CAV1: variants seen among roughly 807,000 people sequenced by gnomAD.
CAV1 encodes caveolin 1.
CAV1 carries 10 observed loss-of-function variants against 16.5 expected under a neutral mutation model. That is an observed-to-expected ratio of 0.61 (90% confidence interval 0.37 to 1.03). The LOEUF (loss-of-function observed/expected upper bound fraction) is 1.03. Ranked by LOEUF, CAV1 falls within the 50% of genes least tolerant of loss-of-function variation. The pLI is 0.01. For synonymous variants in CAV1, 76 were observed against 85.1 expected (o/e 0.89, Z 0.59); for missense variants, 212 against 232.8 (o/e 0.91, Z 0.58).
intron 2 of CAV1, among the ~76,000 whole-genome samples, chr7:116,539,088 G>A (rs183008184): frequency 4.6e-5 from 7 of 152,230 alleles, no homozygotes; most frequent in East Asian, 3.9e-4. Context: ...CACCAGGCAC[G>A]GAGCACGTCA....
At chr7:116,540,911 C>A (rs1396931920) in intron 2 of CAV1, among the ~76,000 whole-genome samples, 1 of 151,988 alleles carries the variant, frequency 6.6e-6, no homozygotes, top group Non-Finnish European at 1.5e-5. Context: ...ATATGGAAAC[C>A]CCCCTTGTAA....
chr7:116,555,622 GGAGGGAGGGAGGGAGAGGAGAGAAAGAAA>G (rs1794278996), intron 2 of CAV1, among the ~76,000 whole-genome samples: 2 of 134,834 alleles, frequency 1.5e-5, no homozygotes, highest in Non-Finnish European at 3.3e-5. Context: ...AAGAAAGAAG[GGAGGGAGGGAGGGAGAGGAGAGAAAGAAA>G]AAGGAAGGAA....
chr7:116,534,214 T>A (rs1793746349), intron 2 of CAV1, among the ~76,000 whole-genome samples: 1 of 150,496 alleles, frequency 6.6e-6, no homozygotes, highest in Non-Finnish European at 1.5e-5. Context: ...TGAGACTCCA[T>A]CACAAAAAAA....
chr7:116,539,881 G>A (rs976633238), intron 2 of CAV1, among the ~76,000 whole-genome samples: 3 of 152,134 alleles, frequency 2.0e-5, no homozygotes, highest in Admixed American at 2.0e-4. Flanking sequence ...GGCTGGGGGT[G>A]GGTCTCTGGC....
chr7:116,527,385 T>A (rs991983415), intron 2 of CAV1, among the ~76,000 whole-genome samples: 1 of 152,216 alleles, frequency 6.6e-6, no homozygotes, highest in Admixed American at 6.5e-5. Flanking sequence ...GAAAGCTGCT[T>A]CTTTAGTAGC....
At chr7:116,549,061 G>A (rs184720246) in intron 2 of CAV1, among the ~76,000 whole-genome samples, 1 of 152,254 alleles carries the variant, frequency 6.6e-6, no homozygotes, top group East Asian at 1.9e-4. Context: ...GAGTATGCCT[G>A]CCTCTTTTCC....
chr7:116,555,104 G>A (rs1794232306), intron 2 of CAV1, among the ~76,000 whole-genome samples: 1 of 152,020 alleles, frequency 6.6e-6, no homozygotes, highest in Non-Finnish European at 1.5e-5. Context: ...CAGCCCTTAT[G>A]TGCTTTGCAG....
chr7:116,525,862 G>C, intron 1 of CAV1: 1 of 988,588 alleles, frequency 1.0e-6, no homozygotes. Flanking sequence ...GCCAAAAATG[G>C]GGACTTTCGG....
Position 116,555,518 on chromosome 7 carries a change from A to AAGAAAGAAAGAAAGAAAGAAAG in CAV1, c.196-3425_196-3424insAAGAAAGAAAGAAAGAAAGAGA, listed in dbSNP as rs1554357869. Reference sequence around the variant, plus strand: ...AAAGAAAGAAAGAAAGAAAGAAAGAAAGAGAGAGAGAGAGAGAGAGAGAGA... The same window carrying AAGAAAGAAAGAAAGAAAGAAAG: ...AAAGAAAGAAAGAAAGAAAGAAAGAAAGAAAGAAAGAAAGAAAGAAAGAGAGAGAGAGAGAGAGAGAGAGAGA... On this transcript the variant is annotated intron_variant, in intron 2 of 2. Coordinates refer to ENST00000341049, the MANE Select transcript of CAV1 (RefSeq NM_001753.5). Among the ~76,000 whole-genome samples the AAGAAAGAAAGAAAGAAAGAAAG allele has an allele frequency of 1.4e-4, 2 of 14,054 alleles. 1 individual carries two copies. Among genetic ancestry groups the AAGAAAGAAAGAAAGAAAGAAAG allele is most frequent in the Non-Finnish European group, 2.8e-4 (2 of 7,200 alleles). The allele number at this position is 14,054 out of a possible 152,430, so 9.2% of individuals were successfully genotyped here.
chr7:116,559,689 A>G lies in CAV1; in HGVS notation c.*402A>G, dbSNP rs1794366974. Reference sequence around the variant, plus strand: ...ATGTTGGTCATTTTATGTTAAGGGAAGAATTCCAGGGTATGGCCATGGAGT... The same window carrying G: ...ATGTTGGTCATTTTATGTTAAGGGAGGAATTCCAGGGTATGGCCATGGAGT... On this transcript the variant is annotated 3_prime_UTR_variant, in exon 3 of 3. Transcript: ENST00000341049. The G allele has an allele frequency of 1.1e-5, 6 of 527,486 alleles. No individual in the cohort carries two copies. In the South Asian group the frequency reaches 2.0e-4, roughly 17 times the overall value. The allele number at this position is 527,486 out of a possible 1,614,324, so 32.7% of individuals were successfully genotyped here. A position where few individuals can be genotyped will look rare whatever the true frequency, so the allele number is the denominator to read the frequency against.
intron 2 of CAV1, among the ~76,000 whole-genome samples, chr7:116,548,453 G>A (rs563185451): frequency 6.6e-6 from 1 of 152,298 alleles, no homozygotes; most frequent in East Asian, 1.9e-4. Flanking sequence ...GAGAGCAGAA[G>A]GAAGCCAGCC....
chr7:116,534,365 AT>A (rs1793750823), intron 2 of CAV1, among the ~76,000 whole-genome samples: 1 of 13,218 alleles, frequency 7.6e-5, no homozygotes, highest in Non-Finnish European at 2.0e-4. Flanking sequence ...CACCTCAGAT[AT>A]ATATATATAT....
intron 2 of CAV1, among the ~76,000 whole-genome samples, chr7:116,544,435 A>G (rs1794000804): frequency 6.6e-6 from 1 of 152,144 alleles, no homozygotes; most frequent in African/African-American, 2.4e-5. Flanking sequence ...CTTAGAGTCT[A>G]GTATCAGAAA....
In CAV1 at chr7:116,534,396, T is replaced by TATATG. The variant is rs1491486855; in HGVS notation, c.195+7707_195+7708insATATG. Among the ~76,000 whole-genome samples, 3 of 7,278 alleles carry TATATG rather than the reference T, an allele frequency of 4.1e-4. 1 individual carries two copies. The highest frequency in any genetic ancestry group is 7.5e-4 in the Non-Finnish European group (3 of 4,010). 4.8% of individuals were successfully genotyped at this position (7,278 alleles called of 152,430 possible). On this transcript the variant is annotated intron_variant, in intron 2 of 2. Transcript: ENST00000341049. ...ATATATATATATATATATATATATA[T>TATATG]TTTTTTTTTTTTTTTTTTTTTGAGA...
At chr7:116,538,046 C>T (rs941748155) in intron 2 of CAV1, among the ~76,000 whole-genome samples, 6 of 152,072 alleles carry the variant, frequency 3.9e-5, no homozygotes, top group East Asian at 1.9e-4. Flanking sequence ...TCTGGATATA[C>T]GGGGAGGGGT....
intron 2 of CAV1, among the ~76,000 whole-genome samples, chr7:116,533,348 T>TAAATAAAATAAAATA (rs763800018): frequency 5.8e-5 from 8 of 137,604 alleles, no homozygotes; most frequent in South Asian, 2.3e-4. Flanking sequence ...AAAAATAAAA[T>TAAATAAAATAAAATA]AAATAAAATA....
In CAV1 at chr7:116,560,388, G is replaced by A. The variant is rs1794385195; in HGVS notation, c.*1101G>A. On this transcript the variant is annotated 3_prime_UTR_variant, in exon 3 of 3. Transcript: ENST00000341049. The stretch of plus-strand genomic sequence containing the variant: ...AGCTGATCAGTGGGCCTCCAAGGAG[G>A]GGCTGTAAAATGGAGGCCATTGTGT... The A allele has an allele frequency of 6.6e-6, 1 of 152,190 alleles. No individual in the cohort carries two copies. The highest frequency in any genetic ancestry group is 1.5e-5 in the Non-Finnish European group (1 of 68,060). The allele number at this position is 152,190 out of a possible 1,614,324, so 9.4% of individuals were successfully genotyped here.
chr7:116,558,861 G>C (rs756193538), intron 2 of CAV1, 85 bp from the exon 3 acceptor site: 13 of 995,362 alleles, frequency 1.3e-5, no homozygotes, highest in Non-Finnish European at 2.0e-5. Context: ...TGCTAATACA[G>C]TATATGTCTA....
At chr7:116,556,547 A>T (rs1230161095) in intron 2 of CAV1, among the ~76,000 whole-genome samples, 1 of 152,138 alleles carries the variant, frequency 6.6e-6, no homozygotes, top group Non-Finnish European at 1.5e-5. Flanking sequence ...TTTTTCTATA[A>T]AGTGAGAATA....
Sources: gnomAD v4.1 joint callset for allele counts (sites outside exome capture counted in the v4.1 genomes callset) on GRCh38, gnomAD v4.1.1 for gene constraint, MANE v1.5 for transcripts, NCBI Gene and HGNC (gene_info 2026-07-23, HGNC 2026-07-21) for gene names.